SHC4: variants seen among roughly 807,000 people sequenced by gnomAD.
The protein encoded by SHC4 is SHC-transforming protein 4.
SHC4 carries 41 observed loss-of-function variants against 69.4 expected under a neutral mutation model. The observed-to-expected ratio is 0.59, with a 90% CI of 0.46 to 0.77. SHC4 has a LOEUF of 0.77. Among genes scored for constraint, SHC4 ranks in the 30% least tolerant of loss-of-function variants. The pLI is 0.00. For missense variants in SHC4, 777 were observed against 783.8 expected (o/e 0.99, Z 0.10); for synonymous variants, 318 against 299.3 (o/e 1.06, Z -0.64).
In SHC4 at chr15:48,963,422, C is replaced by G. The variant is rs1327962290; in HGVS notation, c.-407G>C. On this transcript the variant is annotated 5_prime_UTR_variant, in exon 1 of 12. Transcript: ENST00000332408. Reference sequence around the variant, plus strand: ...AGAAATATTTAGCACCCGACTCCCACCCTCACCCCAGCCTTCTGTTCTGCA... The same window carrying G: ...AGAAATATTTAGCACCCGACTCCCAGCCTCACCCCAGCCTTCTGTTCTGCA... 4.5e-5 allele frequency: 9 copies of G among 201,250 alleles called. No homozygotes were observed. The highest frequency in any genetic ancestry group is 8.1e-5 in the Non-Finnish European group (8 of 98,832). 12.5% of individuals were successfully genotyped at this position (201,250 alleles called of 1,614,324 possible).
intron 1 of SHC4, among the ~76,000 whole-genome samples, chr15:48,941,216 G>A (rs148552257): frequency 1.3e-5 from 2 of 152,336 alleles, no homozygotes; most frequent in African/African-American, 4.8e-5. Context: ...GCAGTCAAGT[G>A]TACACAGAGC....
chr15:48,943,877 CA>C (rs1284344774), intron 1 of SHC4, among the ~76,000 whole-genome samples: 1 of 152,066 alleles, frequency 6.6e-6, no homozygotes, highest in Non-Finnish European at 1.5e-5. Flanking sequence ...TACCCAATAA[CA>C]TCCTCTCACA....
chr15:48,873,644 G>A (rs1388876412), intron 4 of SHC4, among the ~76,000 whole-genome samples: 1 of 152,200 alleles, frequency 6.6e-6, no homozygotes, highest in African/African-American at 2.4e-5. Context: ...AGGAGTCTGA[G>A]GCAGGAGAAT....
intron 9 of SHC4, among the ~76,000 whole-genome samples, chr15:48,844,671 T>C (rs1899054098): frequency 1.3e-5 from 2 of 152,220 alleles, no homozygotes; most frequent in African/African-American, 4.8e-5. Flanking sequence ...TGAATTGTAA[T>C]AATCCTCATG....
chr15:48,886,045 T>C (rs1280726382), intron 3 of SHC4, among the ~76,000 whole-genome samples: 1 of 152,140 alleles, frequency 6.6e-6, no homozygotes, highest in African/African-American at 2.4e-5. Flanking sequence ...GATCATGAAG[T>C]CAGGAGTTCG....
At position 48,963,327 on chromosome 15, in the gene SHC4, C is replaced by G. The variant is rs1203527736; in HGVS notation, c.-312G>C. ...CGGCGCGGGTCGCTCACGGCCAACT[C>G]TTAGGCGCAGAACCCGGGCGAGCGC... On this transcript the variant is annotated 5_prime_UTR_variant, in exon 1 of 12. Transcript: ENST00000332408. 9 of 332,704 alleles carry G rather than the reference C, an allele frequency of 2.7e-5. No individual in the cohort carries two copies. In the East Asian group the frequency reaches 4.6e-4, roughly 17 times the overall value. 20.6% of individuals were successfully genotyped at this position (332,704 alleles called of 1,614,324 possible).
intron 1 of SHC4, among the ~76,000 whole-genome samples, chr15:48,961,990 C>T (rs990518137): frequency 4.6e-5 from 7 of 152,200 alleles, no homozygotes; most frequent in African/African-American, 1.7e-4. Flanking sequence ...CCCTTACACA[C>T]CATGTGTTTC....
intron 1 of SHC4, among the ~76,000 whole-genome samples, chr15:48,958,028 C>T (rs529073288): frequency 1.3e-5 from 2 of 152,322 alleles, no homozygotes; most frequent in South Asian, 4.1e-4. Flanking sequence ...CGTGACTTGG[C>T]TGATATCTTG....
intron 4 of SHC4, among the ~76,000 whole-genome samples, chr15:48,881,965 T>C (rs950655068): frequency 9.9e-5 from 15 of 152,218 alleles, no homozygotes; most frequent in Admixed American, 7.9e-4. Flanking sequence ...GTTCCATAAA[T>C]GCTATCATCT....
chr15:48,896,004 C>T (rs555161245), intron 2 of SHC4, among the ~76,000 whole-genome samples: 2 of 152,204 alleles, frequency 1.3e-5, no homozygotes, highest in African/African-American at 4.8e-5. Flanking sequence ...AGGAGGATTG[C>T]TTGAGCCTAG....
At chr15:48,931,793 A>T (rs188962260) in intron 1 of SHC4, among the ~76,000 whole-genome samples, 1 of 152,258 alleles carries the variant, frequency 6.6e-6, no homozygotes, top group African/African-American at 2.4e-5. Flanking sequence ...GCCAGAGAGT[A>T]GGGTAACTAT....
chr15:48,929,636 G>A (rs1268054464), intron 1 of SHC4, among the ~76,000 whole-genome samples: 2 of 152,170 alleles, frequency 1.3e-5, no homozygotes, highest in Admixed American at 6.5e-5. Context: ...CCAGGAACAC[G>A]GTGAACAGTG....
At chr15:48,937,066 C>T (rs995928472) in intron 1 of SHC4, among the ~76,000 whole-genome samples, 3 of 152,230 alleles carry the variant, frequency 2.0e-5, no homozygotes, top group African/African-American at 7.2e-5. Flanking sequence ...CCACAAATGG[C>T]TCTTTCTGCT....
rs1250118302 is a variant in SHC4 at position 48,834,895 on chromosome 15, CT to C, written c.1610del (p.Glu537GlyfsTer5). ...YHGKLSRKAA[E>X]SLLVKDGDFL... ...AGTCCCCATCCTTTACCAAGAGGCT[CT>C]CTGCCGCCTTCCTGCTCAGCTTGCC... is the stretch of plus-strand genomic sequence containing the variant. On this transcript the variant is annotated frameshift_variant, in exon 11 of 12. Coordinates refer to ENST00000332408, the MANE Select transcript of SHC4 (RefSeq NM_203349.4). LOFTEE classifies it high-confidence loss of function. 1 of 1,614,166 alleles carries C rather than the reference CT, an allele frequency of 6.2e-7. No homozygotes were observed. Among genetic ancestry groups the C allele is most frequent in the East Asian group, 2.2e-5 (1 of 44,866 alleles).
At chr15:48,872,881 T>A (rs979762659) in intron 4 of SHC4, among the ~76,000 whole-genome samples, 6 of 152,236 alleles carry the variant, frequency 3.9e-5, no homozygotes, top group African/African-American at 1.2e-4. Flanking sequence ...ATATCTGTCA[T>A]GCTATTTTGA....
At chr15:48,880,983 AGAGTGTGTGTGT>A (rs1899929577) in intron 4 of SHC4, among the ~76,000 whole-genome samples, 1 of 108,214 alleles carries the variant, frequency 9.2e-6, no homozygotes, top group African/African-American at 4.3e-5. Context: ...GATGTGTGTG[AGAGTGTGTGTGT>A]GTGTGTGTGT....
intron 10 of SHC4, among the ~76,000 whole-genome samples, chr15:48,837,311 A>T (rs1408003074): frequency 6.6e-6 from 1 of 152,200 alleles, no homozygotes; most frequent in Non-Finnish European, 1.5e-5. Context: ...TCATCCAAAC[A>T]TTTGCTGAAA....
chr15:48,841,045 TATTGA>T (rs67898221), intron 10 of SHC4, among the ~76,000 whole-genome samples: 51,287 of 151,878 alleles, frequency 0.34, 10,090 homozygotes, highest in Middle Eastern at 0.47. Context: ...CATTTCATAT[TATTGA>T]ATTGCCTATG....
chr15:48,937,611 G>T (rs1901097321), intron 1 of SHC4, among the ~76,000 whole-genome samples: 1 of 151,970 alleles, frequency 6.6e-6, no homozygotes, highest in African/African-American at 2.4e-5. Context: ...TAGATAGATA[G>T]ATAGATAGAT....
Sources: allele counts gnomAD v4.1 joint callset (sites outside exome capture counted in the v4.1 genomes callset), GRCh38; gene constraint gnomAD v4.1.1; transcripts MANE v1.5; gene names NCBI Gene and HGNC (gene_info 2026-07-23, HGNC 2026-07-21).